Variants in CABLES2 observed in about 807,000 individuals in gnomAD.
CABLES2 encodes the protein CDK5 and ABL1 enzyme substrate 2.
In CABLES2, 35 loss-of-function variants were observed where a neutral mutation model predicts 44.8. The observed-to-expected ratio is 0.78, with a 90% CI of 0.60 to 1.04. The LOEUF (loss-of-function observed/expected upper bound fraction) is 1.04, where lower values mean the gene tolerates loss of function less well. CABLES2 is among the 50% of genes least tolerant of loss of function. The probability of loss-of-function intolerance (pLI) is 0.00; values close to 1 mark genes in which losing one functional copy is unlikely to be tolerated. For missense variants in CABLES2, 566 were observed against 615.7 expected, an observed-to-expected ratio of 0.92 and a Z score of 0.85; for synonymous variants, 282 against 281.1, an observed-to-expected ratio of 1.00 and a Z score of -0.03.
chr20:62,405,841 G>A (rs1400934112), intron 1 of CABLES2: 1 of 152,326 alleles, frequency 6.6e-6, no homozygotes, highest in South Asian at 2.1e-4. Context: ...CTTTGAGAAG[G>A]AACCGCAACA....
Position 62,396,251 on chromosome 20 carries a change from G to A in CABLES2, c.527+64C>T, listed in dbSNP as rs1184120211. 1.4e-6 allele frequency: 2 copies of A among 1,381,552 alleles called. No homozygotes were observed. Among genetic ancestry groups the A allele is most frequent in the East Asian group, 2.3e-5 (1 of 43,742 alleles). The allele number at this position is 1,381,552 out of a possible 1,614,324, so 85.6% of individuals were successfully genotyped here. ...GGAGGGAAGATTGCTTGGCTGACAG[G>A]GGCAGGACCCCGTGGGCTTATGGAG... On this transcript the variant is annotated intron_variant, in intron 3 of 9. Coordinates refer to ENST00000279101, the MANE Select transcript of CABLES2 (RefSeq NM_031215.3). The surrounding 1 kb of genome is among the most constrained non-coding windows in gnomAD (Gnocchi z 5.7).
intron 1 of CABLES2, chr20:62,405,882 T>C (rs1217962062): frequency 6.6e-6 from 1 of 152,286 alleles, no homozygotes; most frequent in Non-Finnish European, 1.5e-5. Flanking sequence ...GAGCCCACAG[T>C]CACTCCTGGA....
chr20:62,395,265 C>T (rs1327470571), intron 3 of CABLES2, among the ~76,000 whole-genome samples: 6 of 152,184 alleles, frequency 3.9e-5, no homozygotes, highest in African/African-American at 1.4e-4. Context: ...TGGGACGCCG[C>T]TGCACGTGGG....
intron 3 of CABLES2, among the ~76,000 whole-genome samples, 190 bp from the exon 4 acceptor site, chr20:62,395,204 C>T (rs993444574): frequency 1.3e-5 from 2 of 152,234 alleles, no homozygotes; most frequent in African/African-American, 4.8e-5. Flanking sequence ...GCCTGGCCCC[C>T]GCAAGCTCTC....
At chr20:62,392,086 C>T (rs1198274355) in intron 8 of CABLES2, among the ~76,000 whole-genome samples, 2 of 151,914 alleles carry the variant, frequency 1.3e-5, no homozygotes, top group African/African-American at 2.4e-5. Flanking sequence ...TGGGAGGGGC[C>T]GGGCACAACA....
In CABLES2 at chr20:62,398,070, ACGG is replaced by A. The variant is rs1447777524; in HGVS notation, c.363-1481_363-1479del. 2.6e-3 allele frequency among the ~76,000 whole-genome samples: 76 copies of A among 28,938 alleles called. 2 individuals carry two copies. In the East Asian group the frequency reaches 0.042, roughly 16 times the overall value. The allele number at this position is 28,938 out of a possible 152,430, so 19.0% of individuals were successfully genotyped here. Reference sequence around the variant, plus strand: ...GGTGGTGATGGCGATGGTGGTGGTGACGGTGGTGGTGGTGGTGACGGTGGTGGT... The same window carrying A: ...GGTGGTGATGGCGATGGTGGTGGTGATGGTGGTGGTGGTGACGGTGGTGGT... On this transcript the variant is annotated intron_variant, in intron 1 of 9. Coordinates refer to ENST00000279101, the MANE Select transcript of CABLES2 (RefSeq NM_031215.3).
chr20:62,398,868 TG>T (rs892797593), intron 1 of CABLES2, among the ~76,000 whole-genome samples: 31 of 152,372 alleles, frequency 2.0e-4, no homozygotes, highest in Middle Eastern at 3.4e-3. Flanking sequence ...CGGAGAGGCC[TG>T]GCCCTTGCCC....
Position 62,396,171 on chromosome 20 carries a change from A to G in CABLES2, c.527+144T>C. The G allele has an allele frequency of 1.4e-6, 1 of 706,832 alleles. No homozygotes were observed. Among genetic ancestry groups the G allele is most frequent in the South Asian group, 1.6e-5 (1 of 61,480 alleles). The allele number at this position is 706,832 out of a possible 1,614,324, so 43.8% of individuals were successfully genotyped here. On this transcript the variant is annotated intron_variant, in intron 3 of 9. Transcript: ENST00000279101. The surrounding 1 kb of genome is among the most constrained non-coding windows in gnomAD (Gnocchi z 5.7). ...ATGTGGAGCAAGCAGTGTGGTGGGG[A>G]GGAGGGCCCACCTCTAGAGGTGTGG...
chr20:62,399,304 G>C (rs1988144657), intron 1 of CABLES2, among the ~76,000 whole-genome samples: 1 of 148,404 alleles, frequency 6.7e-6, no homozygotes, highest in Admixed American at 6.7e-5. Flanking sequence ...GGAGTGGAGG[G>C]GGCGCCATCT....
At chr20:62,398,125 T>TGG (rs1988094874) in intron 1 of CABLES2, among the ~76,000 whole-genome samples, 6 of 74,524 alleles carry the variant, frequency 8.1e-5, no homozygotes, top group East Asian at 4.7e-4. Flanking sequence ...GTGGTGGTGG[T>TGG]TATGACGGTG....
In CABLES2 at chr20:62,390,704, G is replaced by A; in HGVS notation, c.*267C>T. On this transcript the variant is annotated 3_prime_UTR_variant, in exon 10 of 10. Coordinates refer to ENST00000279101, the MANE Select transcript of CABLES2 (RefSeq NM_031215.3). ...TCTCAGGCACGTGAAAAAAATACCAGTAACAAACCTCACATTTAGTTTATG... is the reference window on the plus strand; with the variant it reads ...TCTCAGGCACGTGAAAAAAATACCAATAACAAACCTCACATTTAGTTTATG... 2.0e-6 allele frequency: 1 copy of A among 494,720 alleles called. No individual in the cohort carries two copies. The highest frequency in any genetic ancestry group is 3.7e-6 in the Non-Finnish European group (1 of 273,246). The allele number at this position is 494,720 out of a possible 1,614,324, so 30.6% of individuals were successfully genotyped here.
chr20:62,400,814 C>T (rs757889849), intron 1 of CABLES2, among the ~76,000 whole-genome samples: 3 of 152,202 alleles, frequency 2.0e-5, no homozygotes, highest in Non-Finnish European at 4.4e-5. Flanking sequence ...ATTTTCTGGT[C>T]GCTGCAGGAA....
chr20:62,406,962 G>A lies in CABLES2; in HGVS notation c.315C>T (p.Ser105=), dbSNP rs763440011. The A allele has an allele frequency of 1.6e-6, 2 of 1,214,036 alleles. No individual in the cohort carries two copies. The highest frequency in any genetic ancestry group is 3.2e-4 in the Middle Eastern group (1 of 3,116). The allele number at this position is 1,214,036 out of a possible 1,614,324, so 75.2% of individuals were successfully genotyped here. Residue 105 remains serine (S), a synonymous_variant, in exon 1 of 10, where the codon AGC becomes AGT. Coordinates refer to ENST00000279101, the MANE Select transcript of CABLES2 (RefSeq NM_031215.3). ...ARTPAPQGLL[S]PTQVPTGLGL... Reference sequence around the variant, plus strand: ...CGAGGCCGGTGGGCACCTGCGTGGGGCTGAGCAGGCCCTGGGGCGCGGGGG... The same window carrying A: ...CGAGGCCGGTGGGCACCTGCGTGGGACTGAGCAGGCCCTGGGGCGCGGGGG...
At position 62,396,365 on chromosome 20, in the gene CABLES2, C is replaced by G. The variant is rs775302055; in HGVS notation, c.477G>C (p.Lys159Asn). 1.9e-6 allele frequency: 3 copies of G among 1,613,784 alleles called. No homozygotes were observed. The highest frequency in any genetic ancestry group is 1.7e-6 in the Non-Finnish European group (2 of 1,179,970). ...TCATGTTCTTGATGAAGTGGGTCTT[C>G]TTCAGGCCTTTATGTCTCGGTGATC... ...TSGSPRHKGLKKTHFIKNMRQ... is the reference protein window; with the variant it reads ...TSGSPRHKGLNKTHFIKNMRQ... The change falls in exon 3 of 10, where the codon AAG becomes AAC. Residue 159 changes from lysine to asparagine, a missense_variant. Physicochemically the swap from Lys to Asn is moderately conservative, Grantham distance 94. This residue lies in a region of CABLES2 where 436 missense variants were observed against 536.3 expected (regional missense o/e 0.81). Transcript: ENST00000279101. The surrounding 1 kb of genome is among the most constrained non-coding windows in gnomAD (Gnocchi z 5.7).
At position 62,392,969 on chromosome 20, in the gene CABLES2, T is replaced by C; in HGVS notation, c.935A>G (p.Gln312Arg). 1 of 1,614,060 alleles carries C rather than the reference T, an allele frequency of 6.2e-7. No individual in the cohort carries two copies. Among genetic ancestry groups the C allele is most frequent in the Non-Finnish European group, 8.5e-7 (1 of 1,180,012 alleles). ...EYNPNLLDDP[Q>R]WPCGKHKRVL... ...ACGTTTGTGCTTGCCGCAGGGCCACTGCGGGTCATCCAGGAGGTTGGGGTT... is the reference window on the plus strand; with the variant it reads ...ACGTTTGTGCTTGCCGCAGGGCCACCGCGGGTCATCCAGGAGGTTGGGGTT... Residue 312 changes from glutamine (Q) to arginine (R), a missense_variant, in exon 7 of 10, where the codon CAG becomes CGG. Gln to Arg is a conservative substitution (Grantham distance 43, BLOSUM62 1). Around this residue, in one of 2 missense-constraint regions of CABLES2, gnomAD observed 436 missense variants for 536.3 expected, o/e 0.81. Coordinates refer to ENST00000279101, the MANE Select transcript of CABLES2 (RefSeq NM_031215.3).
Position 62,393,014 on chromosome 20 carries a change from A to T in CABLES2, c.890T>A (p.Val297Glu). 6.2e-7 allele frequency: 1 copy of T among 1,613,722 alleles called. No individual in the cohort carries two copies. The highest frequency in any genetic ancestry group is 8.5e-7 in the Non-Finnish European group (1 of 1,179,828). ...GGGGTTGTACTCCAGGGTGTCCCCCACGTCACTCCCTGTAAGAGAGGCAAC... is the reference window on the plus strand; with the variant it reads ...GGGGTTGTACTCCAGGGTGTCCCCCTCGTCACTCCCTGTAAGAGAGGCAAC... ...APASTELGSD[V>E]GDTLEYNPNL... The change falls in exon 7 of 10, where the codon GTG becomes GAG. Residue 297 changes from valine to glutamate, a missense_variant. Physicochemically the swap from Val to Glu is moderately radical, Grantham distance 121. This residue lies in a region of CABLES2 where 436 missense variants were observed against 536.3 expected (regional missense o/e 0.81). Coordinates refer to ENST00000279101, the MANE Select transcript of CABLES2 (RefSeq NM_031215.3).
At chr20:62,397,601 G>T (rs1443138519) in intron 1 of CABLES2, among the ~76,000 whole-genome samples, 3 of 152,172 alleles carry the variant, frequency 2.0e-5, no homozygotes, top group South Asian at 2.1e-4. Flanking sequence ...AACTCTCAGG[G>T]TCACGCAACT....
In CABLES2 at chr20:62,389,167, A is replaced by T. The variant is rs1156457270; in HGVS notation, c.*1804T>A. 6.5e-6 allele frequency: 1 copy of T among 152,758 alleles called. No homozygotes were observed. The allele number at this position is 152,758 out of a possible 1,614,324, so 9.5% of individuals were successfully genotyped here. Reference sequence around the variant, plus strand: ...CTCGTAACATGGGCGAGCTCTTGAGATGGGATCTGGGTGGCAGGAGAGGTT... The same window carrying T: ...CTCGTAACATGGGCGAGCTCTTGAGTTGGGATCTGGGTGGCAGGAGAGGTT... On this transcript the variant is annotated 3_prime_UTR_variant, in exon 10 of 10. Coordinates refer to ENST00000279101, the MANE Select transcript of CABLES2 (RefSeq NM_031215.3).
chr20:62,392,776 C>T (rs1987942931), intron 7 of CABLES2, 144 bp downstream of exon 7: 1 of 771,834 alleles, frequency 1.3e-6, no homozygotes, highest in Non-Finnish European at 2.2e-6. Context: ...CTGCCCTGCA[C>T]ACCGCCACTG....
Sources: allele counts gnomAD v4.1 joint callset (sites outside exome capture counted in the v4.1 genomes callset), GRCh38; gene constraint gnomAD v4.1.1; regional missense constraint gnomAD v4.1.1; non-coding constraint Gnocchi (gnomAD v3.1); transcripts MANE v1.5; gene names NCBI Gene and HGNC (gene_info 2026-07-23, HGNC 2026-07-21).